Variants in BCAS3 observed in about 807,000 individuals in gnomAD.
The protein encoded by BCAS3 is BCAS3 microtubule associated cell migration factor, also known as BCAS4/BCAS3 fusion.
Under a neutral mutation model 116.1 loss-of-function variants are expected in BCAS3, and 53 were observed. The observed-to-expected ratio is 0.46, with a 90% CI of 0.37 to 0.57. The LOEUF is 0.57. Among genes scored for constraint, BCAS3 ranks in the 20% least tolerant of loss-of-function variants. BCAS3 has a pLI of 0.00. For missense variants in BCAS3, 917 were observed against 1,165.4 expected (o/e 0.79, Z 3.10); for synonymous variants, 391 against 408.2 (o/e 0.96, Z 0.51).
chr17:60,925,121 A>C (rs779180989), intron 13 of BCAS3, among the ~76,000 whole-genome samples: 1 of 152,112 alleles, frequency 6.6e-6, no homozygotes, highest in African/African-American at 2.4e-5. Context: ...GAGTCTCACT[A>C]TGCTGCCCAG....
chr17:61,067,317 T>TATATATATATATATA (rs2070778205), intron 19 of BCAS3, among the ~76,000 whole-genome samples: 19 of 59,744 alleles, frequency 3.2e-4, no homozygotes, highest in African/African-American at 7.9e-4. Context: ...ATATATATAT[T>TATATATATATATATA]TATACAGACT....
intron 22 of BCAS3, among the ~76,000 whole-genome samples, chr17:61,242,160 C>T (rs776858355): frequency 3.9e-5 from 6 of 151,970 alleles, no homozygotes; most frequent in Non-Finnish European, 7.4e-5. Context: ...CCAGTAATCC[C>T]AGCTACTCAG....
chr17:61,092,592 T>C (rs1292445675), intron 22 of BCAS3, among the ~76,000 whole-genome samples: 1 of 152,238 alleles, frequency 6.6e-6, no homozygotes, highest in Admixed American at 6.5e-5. Context: ...GGTTTGAATT[T>C]GCTTTTCTCT....
Position 61,156,916 on chromosome 17 carries a change from C to T in BCAS3, c.2425+72352C>T, listed in dbSNP as rs116837839. 0.035 allele frequency among the ~76,000 whole-genome samples: 5,340 copies of T among 152,096 alleles called. 308 individuals are homozygous for T. Among genetic ancestry groups the T allele is most frequent in the African/African-American group, 0.12 (5,021 of 41,480 alleles). On this transcript the variant is annotated intron_variant, in intron 22 of 23. Coordinates refer to ENST00000407086, the MANE Select transcript of BCAS3 (RefSeq NM_017679.5). This position sits in a 1 kb window ranked among gnomAD's most constrained non-coding sequence, Gnocchi z 4.7. ...CAATTATTTTTCCTTTGAAACAACA[C>T]TTAAAAAAAACAAATTCTACAACAT...
At chr17:61,078,722 A>G (rs1284070049) in intron 21 of BCAS3, among the ~76,000 whole-genome samples, 193 bp downstream of exon 21, 8 of 152,254 alleles carry the variant, frequency 5.3e-5, no homozygotes, top group Admixed American at 1.3e-4. Context: ...ATTACGTGCA[A>G]TAAATACTTG....
Position 61,196,189 on chromosome 17 carries a change from G to A in BCAS3, c.2425+111625G>A, listed in dbSNP as rs77323728. Among the ~76,000 whole-genome samples the A allele has an allele frequency of 4.1e-3, 624 of 152,282 alleles. 6 individuals are homozygous for A. Among genetic ancestry groups the A allele is most frequent in the African/African-American group, 0.015 (606 of 41,530 alleles). ...GAAATCAGTGTAGTCTGAACTACTA[G>A]AGAGACGTTATTCCGTAACACAGTG... On this transcript the variant is annotated intron_variant, in intron 22 of 23. Coordinates refer to ENST00000407086, the MANE Select transcript of BCAS3 (RefSeq NM_017679.5). The surrounding 1 kb of genome is among the most constrained non-coding windows in gnomAD (Gnocchi z 4.7).
intron 5 of BCAS3, among the ~76,000 whole-genome samples, chr17:60,744,234 A>C (rs1338924970): frequency 6.6e-6 from 1 of 152,210 alleles, no homozygotes; most frequent in Non-Finnish European, 1.5e-5. Context: ...AAGTGAACTT[A>C]CAGTTTAGTA....
At position 61,187,657 on chromosome 17, in the gene BCAS3, G is replaced by A. The variant is rs1031811552; in HGVS notation, c.2425+103093G>A. Among the ~76,000 whole-genome samples, 3 of 152,082 alleles carry A rather than the reference G, an allele frequency of 2.0e-5. No individual in the cohort carries two copies. The South Asian group carries it at 6.2e-4, about 32-fold the overall frequency. ...TGGCAGTATAAAGGGCGTGTCACTT[G>A]TCATTAGCAGTAACAATTTCACCAC... On this transcript the variant is annotated intron_variant, in intron 22 of 23. Transcript: ENST00000407086.
At chr17:61,319,221 A>C (rs1291346996) in intron 22 of BCAS3, among the ~76,000 whole-genome samples, 1 of 152,232 alleles carries the variant, frequency 6.6e-6, no homozygotes, top group Non-Finnish European at 1.5e-5. Flanking sequence ...GGGTCAGAGA[A>C]TACTAACAAT....
rs1166322069 is a variant in BCAS3, at chr17:61,204,878, A to C, written c.2425+120314A>C. Among the ~76,000 whole-genome samples the C allele has an allele frequency of 6.6e-6, 1 of 152,030 alleles. No homozygotes were observed. Among genetic ancestry groups the C allele is most frequent in the African/African-American group, 2.4e-5 (1 of 41,380 alleles). On this transcript the variant is annotated intron_variant, in intron 22 of 23. Transcript: ENST00000407086. This position sits in a 1 kb window ranked among gnomAD's most constrained non-coding sequence, Gnocchi z 4.2. The stretch of plus-strand genomic sequence containing the variant: ...ACCAGCCTGGGCAACAGGGCAAAAC[A>C]CCTTCTCAACAAAAAATATAGAAAT...
rs1382401736 is a variant in BCAS3 at position 61,029,990 on chromosome 17, TA to T, written c.1638-4674del. 6.6e-6 allele frequency among the ~76,000 whole-genome samples: 1 copy of T among 152,068 alleles called. No individual in the cohort carries two copies. ...AATAGAATAATTTCAGACAGATTAT[TA>T]ATATCTTTAGTTATTTGAAATAAAA... On this transcript the variant is annotated intron_variant, in intron 16 of 23. Coordinates refer to ENST00000407086, the MANE Select transcript of BCAS3 (RefSeq NM_017679.5). The surrounding 1 kb of genome is among the most constrained non-coding windows in gnomAD (Gnocchi z 5.2).
At chr17:60,718,771 T>C (rs936590732) in intron 5 of BCAS3, among the ~76,000 whole-genome samples, 2 of 152,096 alleles carry the variant, frequency 1.3e-5, no homozygotes, top group African/African-American at 4.8e-5. Context: ...ATTAAAAAAT[T>C]TAGTTGTAGG....
In BCAS3 at chr17:60,924,499, T is replaced by C. The variant is rs770566167; in HGVS notation, c.1086T>C (p.Ser362=). The change falls in exon 13 of 24, where the codon AGT becomes AGC. Residue 362 remains serine, a splice_region_variant and synonymous_variant. Transcript: ENST00000407086. ...KPVCCMAFNT[S]GMLLVTTDTL... ...TGTGCTGCATGGCTTTTAATACAAGTGGTAAGTTCGCTCTCTGTCTTTTTT... is the reference window on the plus strand; with the variant it reads ...TGTGCTGCATGGCTTTTAATACAAGCGGTAAGTTCGCTCTCTGTCTTTTTT... 21 of 1,599,246 alleles carry C rather than the reference T, an allele frequency of 1.3e-5. No individual in the cohort carries two copies. The highest frequency in any genetic ancestry group is 1.8e-5 in the Non-Finnish European group (21 of 1,170,010).
chr17:61,163,564 A>G (rs768697779), intron 22 of BCAS3, among the ~76,000 whole-genome samples: 9 of 152,230 alleles, frequency 5.9e-5, no homozygotes, highest in Non-Finnish European at 4.4e-5. Flanking sequence ...GTATAATTAC[A>G]GTATGTTTTT....
intron 22 of BCAS3, among the ~76,000 whole-genome samples, chr17:61,195,049 C>T (rs966817519): frequency 6.6e-6 from 1 of 152,242 alleles, no homozygotes; most frequent in African/African-American, 2.4e-5. Context: ...ACAGTTAAGA[C>T]TCTGTCGATC....
At chr17:60,687,472 T>C (rs1377512725) in intron 3 of BCAS3, among the ~76,000 whole-genome samples, 1 of 152,036 alleles carries the variant, frequency 6.6e-6, no homozygotes, top group Non-Finnish European at 1.5e-5. Flanking sequence ...GGTGTGGTGG[T>C]GCACACCTGT....
chr17:61,331,373 G>A (rs1387423446), intron 22 of BCAS3, among the ~76,000 whole-genome samples: 1 of 152,228 alleles, frequency 6.6e-6, no homozygotes, highest in Non-Finnish European at 1.5e-5. Context: ...GATCACTGGA[G>A]CTTCCAAAAT....
chr17:61,333,371 A>T lies in BCAS3; in HGVS notation c.2426-34956A>T, dbSNP rs1382633430. Reference sequence around the variant, plus strand: ...AGGGCACCAGTTCTTACCAGACAATAGCTGTCTATGACCTCAAGCCAGGCC... The same window carrying T: ...AGGGCACCAGTTCTTACCAGACAATTGCTGTCTATGACCTCAAGCCAGGCC... On this transcript the variant is annotated intron_variant, in intron 22 of 23. Transcript: ENST00000407086. The surrounding 1 kb of genome is among the most constrained non-coding windows in gnomAD (Gnocchi z 4.8). Among the ~76,000 whole-genome samples, 1 of 152,140 alleles carries T rather than the reference A, an allele frequency of 6.6e-6. No homozygotes were observed. The highest frequency in any genetic ancestry group is 1.5e-5 in the Non-Finnish European group (1 of 68,014).
At chr17:61,292,931 C>T (rs1327892335) in intron 22 of BCAS3, among the ~76,000 whole-genome samples, 3 of 152,130 alleles carry the variant, frequency 2.0e-5, no homozygotes, top group Non-Finnish European at 4.4e-5. Flanking sequence ...TAAAAATCTC[C>T]AATTAAATCA....
Sources: allele counts gnomAD v4.1 joint callset (sites outside exome capture counted in the v4.1 genomes callset), GRCh38; gene constraint gnomAD v4.1.1; non-coding constraint Gnocchi (gnomAD v3.1); transcripts MANE v1.5; gene names NCBI Gene and HGNC (gene_info 2026-07-23, HGNC 2026-07-21).